Variants in INSYN2B observed in about 807,000 individuals in gnomAD.
INSYN2B encodes inhibitory synaptic factor family member 2B, also known as protein INSYN2B.
A neutral mutation model predicts 41.2 loss-of-function variants in INSYN2B; 16 were observed. That is an observed-to-expected ratio of 0.39 (90% confidence interval 0.26 to 0.59). INSYN2B has a LOEUF of 0.59. Ranked by LOEUF, INSYN2B falls within the 20% of genes least tolerant of loss-of-function variation. The probability of loss-of-function intolerance (pLI) is 0.57; values close to 1 mark genes in which losing one functional copy is unlikely to be tolerated. For missense variants in INSYN2B, 608 were observed against 646.4 expected, an observed-to-expected ratio of 0.94 and a Z score of 0.64; for synonymous variants, 245 against 244.4, an observed-to-expected ratio of 1.00 and a Z score of -0.02.
rs1262318513 is a variant in INSYN2B, at chr5:169,864,099, G to A, written c.*174C>T. Among the ~76,000 whole-genome samples, 5 of 152,204 alleles carry A rather than the reference G, an allele frequency of 3.3e-5. No homozygotes were observed. Among genetic ancestry groups the A allele is most frequent in the Non-Finnish European group, 5.9e-5 (4 of 68,046 alleles). On this transcript the variant is annotated 3_prime_UTR_variant, in exon 4 of 4. Transcript: ENST00000377365. The stretch of plus-strand genomic sequence containing the variant: ...AGTCGCACGCACTCAGGTAAGGATC[G>A]TGGTCAGGTGTCCAGCAGCGGCTAC...
chr5:169,890,166 C>A (rs975135483), intron 1 of INSYN2B, among the ~76,000 whole-genome samples: 6 of 152,148 alleles, frequency 3.9e-5, no homozygotes, highest in Non-Finnish European at 7.4e-5. Flanking sequence ...GTGGAGACCC[C>A]GACTCTTCCT....
chr5:169,925,866 G>A (rs1379073211), intron 1 of INSYN2B, among the ~76,000 whole-genome samples: 1 of 152,088 alleles, frequency 6.6e-6, no homozygotes, highest in African/African-American at 2.4e-5. Context: ...TGGTTCCCTG[G>A]GGAGAAGATG....
chr5:169,937,470 C>T (rs562233311), intron 1 of INSYN2B, among the ~76,000 whole-genome samples: 10 of 152,250 alleles, frequency 6.6e-5, no homozygotes, highest in South Asian at 4.1e-4. Flanking sequence ...AGATGCTGCA[C>T]GCTTATCTGT....
At chr5:169,892,820 A>G (rs547417396) in intron 1 of INSYN2B, among the ~76,000 whole-genome samples, 221 of 152,348 alleles carry the variant, frequency 1.5e-3, no homozygotes, top group African/African-American at 4.9e-3. Flanking sequence ...GAAAGGTTAC[A>G]AATCTAGCTG....
In INSYN2B at chr5:169,881,411, T is replaced by C; in HGVS notation, c.1378A>G (p.Asn460Asp). 1 of 1,551,460 alleles carries C rather than the reference T, an allele frequency of 6.4e-7. No homozygotes were observed. Among genetic ancestry groups the C allele is most frequent in the Non-Finnish European group, 8.7e-7 (1 of 1,146,798 alleles). ...RNFYRTGQDLNNCSTCQNTAC... is the reference protein window; with the variant it reads ...RNFYRTGQDLDNCSTCQNTAC... ...GTGTTCTGGCAGGTACTGCAATTGTTGAGATCTTGGCCAGTTCGATAAAAG... is the reference window on the plus strand; with the variant it reads ...GTGTTCTGGCAGGTACTGCAATTGTCGAGATCTTGGCCAGTTCGATAAAAG... Residue 460 changes from asparagine (N) to aspartate (D), a missense_variant, in exon 3 of 4, where the codon AAC becomes GAC. Asn to Asp is a conservative substitution (Grantham distance 23). Transcript: ENST00000377365.
intron 1 of INSYN2B, among the ~76,000 whole-genome samples, chr5:169,914,844 C>A (rs1774789019): frequency 6.6e-6 from 1 of 152,230 alleles, no homozygotes; most frequent in Non-Finnish European, 1.5e-5. Context: ...ACTTTTGCAT[C>A]CCATGGAGTA....
At chr5:169,977,117 A>G (rs1777743474) in intron 1 of INSYN2B, among the ~76,000 whole-genome samples, 1 of 152,242 alleles carries the variant, frequency 6.6e-6, no homozygotes, top group Non-Finnish European at 1.5e-5. Context: ...GCTTCTGAAC[A>G]ATTTGGACAC....
Position 169,884,003 on chromosome 5 carries a change from G to T in INSYN2B, c.-105C>A, listed in dbSNP as rs1180111055. The T allele has an allele frequency of 8.6e-7, 1 of 1,159,560 alleles. No homozygotes were observed. Among genetic ancestry groups the T allele is most frequent in the Non-Finnish European group, 1.2e-6 (1 of 866,684 alleles). The allele number at this position is 1,159,560 out of a possible 1,614,324, so 71.8% of individuals were successfully genotyped here. ...GATAGTATTTCAATCATAGAGAACT[G>T]CTGGCCAGGATGGAGTGGTCCTCTC... On this transcript the variant is annotated 5_prime_UTR_variant, in exon 2 of 4. Transcript: ENST00000377365.
At chr5:169,871,436 C>T (rs898882582) in intron 3 of INSYN2B, among the ~76,000 whole-genome samples, 3 of 152,130 alleles carry the variant, frequency 2.0e-5, no homozygotes, top group African/African-American at 7.2e-5. Context: ...AATCTATGTG[C>T]TAGACACTAT....
chr5:169,971,015 ATGCCAAGC>A (rs1211247229), intron 1 of INSYN2B, among the ~76,000 whole-genome samples: 1 of 152,120 alleles, frequency 6.6e-6, no homozygotes, highest in African/African-American at 2.4e-5. Context: ...ACCTGCGTTC[ATGCCAAGC>A]TGCTGTGTCA....
chr5:169,953,812 C>A (rs1476921168), intron 1 of INSYN2B, among the ~76,000 whole-genome samples: 1 of 152,196 alleles, frequency 6.6e-6, no homozygotes, highest in Non-Finnish European at 1.5e-5. Context: ...GGTAAGGTGG[C>A]TAAGAGCATG....
intron 1 of INSYN2B, among the ~76,000 whole-genome samples, chr5:169,977,890 A>G (rs1777772583): frequency 6.6e-6 from 1 of 152,190 alleles, no homozygotes; most frequent in Admixed American, 6.5e-5. Context: ...CCCACCACAC[A>G]GACAGCACCA....
chr5:169,973,719 G>A (rs1326188385), intron 1 of INSYN2B, among the ~76,000 whole-genome samples: 1 of 152,176 alleles, frequency 6.6e-6, no homozygotes, highest in East Asian at 1.9e-4. Context: ...CAAATCCCAA[G>A]TAATGCAGAA....
chr5:169,963,332 T>G (rs572398108), intron 1 of INSYN2B, among the ~76,000 whole-genome samples: 36 of 152,276 alleles, frequency 2.4e-4, no homozygotes, highest in South Asian at 1.0e-3. Flanking sequence ...CTGACTTGGC[T>G]GGCATTGACA....
intron 3 of INSYN2B, among the ~76,000 whole-genome samples, chr5:169,869,725 T>G (rs933507279): frequency 6.6e-6 from 1 of 152,242 alleles, no homozygotes; most frequent in Non-Finnish European, 1.5e-5. Context: ...AAGTTAATTC[T>G]TAGCAGAGCG....
intron 1 of INSYN2B, among the ~76,000 whole-genome samples, chr5:169,977,333 G>C (rs1777751343): frequency 6.6e-6 from 1 of 152,128 alleles, no homozygotes; most frequent in African/African-American, 2.4e-5. Flanking sequence ...ACGGGTAGGC[G>C]GAGTCATCAT....
At chr5:169,866,098 A>AG (rs113186074) in intron 3 of INSYN2B, among the ~76,000 whole-genome samples, 15,057 of 144,018 alleles carry the variant, frequency 0.1, 910 homozygotes, top group Admixed American at 0.18. Flanking sequence ...CAGAGGGGCG[A>AG]GGGGGCCTGT....
At chr5:169,906,219 C>A (rs534585675) in intron 1 of INSYN2B, among the ~76,000 whole-genome samples, 1 of 152,142 alleles carries the variant, frequency 6.6e-6, no homozygotes, top group Non-Finnish European at 1.5e-5. Context: ...TTCTTTCTGA[C>A]GTCAAACGCA....
chr5:169,935,867 T>C (rs944901833), intron 1 of INSYN2B, among the ~76,000 whole-genome samples: 1 of 152,174 alleles, frequency 6.6e-6, no homozygotes, highest in African/African-American at 2.4e-5. Context: ...TAATTAGGAA[T>C]GGCATTTACT....
Sources: gnomAD v4.1 joint callset for allele counts (sites outside exome capture counted in the v4.1 genomes callset) on GRCh38, gnomAD v4.1.1 for gene constraint, MANE v1.5 for transcripts, NCBI Gene and HGNC (gene_info 2026-07-23, HGNC 2026-07-21) for gene names.